The following GNAS variants were observed in gnomAD, a reference collection of about 807,000 sequenced individuals.
The protein encoded by GNAS is GNAS complex locus, also known as protein ALEX.
In GNAS, 8 loss-of-function variants were observed where a neutral mutation model predicts 54.5. That is an observed-to-expected ratio of 0.15 (90% confidence interval 0.09 to 0.26). The LOEUF (loss-of-function observed/expected upper bound fraction) is 0.26. Among genes scored for constraint, GNAS ranks in the 10% least tolerant of loss-of-function variants. The pLI is 1.00. For missense variants in GNAS, 170 were observed against 529.8 expected, an observed-to-expected ratio of 0.32 and a Z score of 6.67; for synonymous variants, 204 against 191.4, an observed-to-expected ratio of 1.07 and a Z score of -0.54.
upstream of GNAS, chr20:58,889,454 T>A: frequency 1.5e-6 from 1 of 673,440 alleles, no homozygotes. Context: ...CGGGCGCCGC[T>A]GCCTTGCCCC....
At chr20:58,892,234 G>A in intron 1 of GNAS, 2 of 951,172 alleles carry the variant, frequency 2.1e-6, no homozygotes, top group Non-Finnish European at 2.5e-6. Flanking sequence ...GGGGGAGGGG[G>A]AGCCCATGGG....
intron 1 of GNAS, chr20:58,884,374 C>T (rs1328048211): frequency 6.6e-6 from 1 of 152,164 alleles, no homozygotes; most frequent in African/African-American, 2.4e-5. Context: ...ACCCTAAAAT[C>T]TTTAAAATAA....
chr20:58,841,625 G>T lies in GNAS; in HGVS notation c.43+739G>T. The stretch of plus-strand genomic sequence containing the variant: ...GCGTGCGCACCTGCCCGCGCGCGCC[G>T]GAGCTGACCTCTCCCGGCGGCGGGC... On this transcript the variant is annotated intron_variant, in intron 1 of 12. Transcript: ENST00000306090. The surrounding 1 kb of genome is among the most constrained non-coding windows in gnomAD (Gnocchi z 5.0). The T allele has an allele frequency of 9.3e-7, 1 of 1,069,868 alleles. No individual in the cohort carries two copies. The highest frequency in any genetic ancestry group is 1.1e-6 in the Non-Finnish European group (1 of 884,912). The allele number at this position is 1,069,868 out of a possible 1,614,324, so 66.3% of individuals were successfully genotyped here.
rs200924357 is a variant in GNAS, at chr20:58,853,461, G to A, written c.43+12575G>A. On this transcript the variant is annotated intron_variant, in intron 1 of 12. Transcript: ENST00000306090. This position sits in a 1 kb window ranked among gnomAD's most constrained non-coding sequence, Gnocchi z 4.4. ...GCCCATCCCCGTCGAGAATGATGGCGAGGCCTGTGGACCCCCAGAGGTCTC... is the reference window on the plus strand; with the variant it reads ...GCCCATCCCCGTCGAGAATGATGGCAAGGCCTGTGGACCCCCAGAGGTCTC... 434 of 1,612,222 alleles carry A rather than the reference G, an allele frequency of 2.7e-4. 1 individual carries two copies. The African/African-American group carries it at 5.1e-3, about 19-fold the overall frequency.
At chr20:58,888,395 A>C (rs1378589287), upstream of GNAS, 1 of 152,278 alleles carries the variant, frequency 6.6e-6, no homozygotes, top group Non-Finnish European at 1.5e-5. Context: ...AGGTCCCAGG[A>C]AAGGCGGGCT....
chr20:58,884,650 G>C (rs1211896559), intron 1 of GNAS: 2 of 152,224 alleles, frequency 1.3e-5, no homozygotes, highest in Non-Finnish European at 2.9e-5. Flanking sequence ...TCAAGGCCAA[G>C]TTAAAAGTTC....
At chr20:58,888,758 GCTCT>G (rs2088788412), upstream of GNAS, 1 of 152,136 alleles carries the variant, frequency 6.6e-6, no homozygotes, top group Admixed American at 6.5e-5. Context: ...TTCGAATTCG[GCTCT>G]CTGACACCTA....
chr20:58,887,082 G>A (rs1293159942), upstream of GNAS, among the ~76,000 whole-genome samples: 1 of 152,204 alleles, frequency 6.6e-6, no homozygotes, highest in Non-Finnish European at 1.5e-5. Context: ...TAAAGTTCAG[G>A]TGTGATGTTT....
upstream of GNAS, among the ~76,000 whole-genome samples, chr20:58,887,277 G>A (rs2088655239): frequency 6.6e-6 from 1 of 152,236 alleles, no homozygotes; most frequent in African/African-American, 2.4e-5. Flanking sequence ...GAAGGAAGAT[G>A]CTTTTGAACA....
At chr20:58,906,507 C>A (rs1191648478) in intron 6 of GNAS, among the ~76,000 whole-genome samples, 1 of 152,038 alleles carries the variant, frequency 6.6e-6, no homozygotes, top group Non-Finnish European at 1.5e-5. Flanking sequence ...ATGTGGTGGT[C>A]AGGGTTATTT....
intron 2 of GNAS, among the ~76,000 whole-genome samples, chr20:58,896,423 G>C (rs976612548): frequency 2.0e-5 from 3 of 152,090 alleles, no homozygotes; most frequent in African/African-American, 7.2e-5. Context: ...AGGTATCCTG[G>C]TATAGCACAA....
At chr20:58,898,362 T>C (rs2090272583) in intron 2 of GNAS, 1 of 152,224 alleles carries the variant, frequency 6.6e-6, no homozygotes, top group Admixed American at 6.5e-5. Flanking sequence ...AAATTTTTTT[T>C]GCTACATCAC....
intron 1 of GNAS, among the ~76,000 whole-genome samples, chr20:58,880,070 A>G (rs2088126236): frequency 6.6e-6 from 1 of 152,078 alleles, no homozygotes; most frequent in African/African-American, 2.4e-5. Context: ...TCGTGTGCAT[A>G]GCCAGTTTAG....
rs1260555255 is a variant in GNAS, at chr20:58,857,461, C to G, written c.43+16575C>G. Among the ~76,000 whole-genome samples, 1 of 152,176 alleles carries G rather than the reference C, an allele frequency of 6.6e-6. No homozygotes were observed. The highest frequency in any genetic ancestry group is 1.5e-5 in the Non-Finnish European group (1 of 68,042). ...CCAAGCACAGCTCTGGGAAGCAAAC[C>G]TGTAGATTGGGGGTGGGAGGACATA... On this transcript the variant is annotated intron_variant, in intron 1 of 12. Transcript: ENST00000306090. The surrounding 1 kb of genome is among the most constrained non-coding windows in gnomAD (Gnocchi z 4.1).
intron 1 of GNAS, chr20:58,855,685 G>T: frequency 1.5e-6 from 1 of 685,198 alleles, no homozygotes; most frequent in Non-Finnish European, 2.7e-6. Flanking sequence ...GGGGCCCCGG[G>T]ACTCCCCTGG....
chr20:58,895,888 C>G (rs913336536), intron 2 of GNAS, among the ~76,000 whole-genome samples: 1 of 152,066 alleles, frequency 6.6e-6, no homozygotes, highest in African/African-American at 2.4e-5. Flanking sequence ...ACAAATACTA[C>G]TGATGAAAGC....
At chr20:58,905,285 G>A (rs183168256) in intron 5 of GNAS, 98 bp from the exon 6 acceptor site, 691 of 771,118 alleles carry the variant, frequency 9.0e-4, no homozygotes, top group Non-Finnish European at 1.2e-3. Context: ...ACCAAGTGTC[G>A]GTCACATAGG....
Position 58,853,608 on chromosome 20 carries a change from T to A in GNAS, c.43+12722T>A. 6.2e-7 allele frequency: 1 copy of A among 1,613,312 alleles called. No homozygotes were observed. Among genetic ancestry groups the A allele is most frequent in the Non-Finnish European group, 8.5e-7 (1 of 1,179,882 alleles). On this transcript the variant is annotated intron_variant, in intron 1 of 12. Coordinates refer to the GNAS transcript ENST00000306090. This position sits in a 1 kb window ranked among gnomAD's most constrained non-coding sequence, Gnocchi z 4.4. ...TGAACAGCCCAGCTTGGGAGGCTTC[T>A]GGCCTACACTGGAGCAGCCTGGATT...
chr20:58,870,500 T>A (rs1277206532), intron 1 of GNAS, among the ~76,000 whole-genome samples: 1 of 152,206 alleles, frequency 6.6e-6, no homozygotes, highest in Non-Finnish European at 1.5e-5. Flanking sequence ...GGGTCTGCTC[T>A]CAGAAATTGG....
Sources: gnomAD v4.1 joint callset for allele counts (sites outside exome capture counted in the v4.1 genomes callset) on GRCh38, gnomAD v4.1.1 for gene constraint, Gnocchi (gnomAD v3.1) non-coding constraint, MANE v1.5 for transcripts, NCBI Gene and HGNC (gene_info 2026-07-23, HGNC 2026-07-21) for gene names.